Variants in UNC5D observed in about 807,000 individuals in gnomAD.
UNC5D encodes netrin receptor UNC5D.
In UNC5D, 39 loss-of-function variants were observed where a neutral mutation model predicts 105.4. That is an observed-to-expected ratio of 0.37 (90% confidence interval 0.29 to 0.48). The LOEUF is 0.48. Among genes scored for constraint, UNC5D ranks in the 20% least tolerant of loss-of-function variants. UNC5D has a pLI of 0.98. For missense variants in UNC5D, 991 were observed against 1,202.4 expected (o/e 0.82, Z 2.60); for synonymous variants, 452 against 450.4 (o/e 1.00, Z -0.04).
chr8:35,386,243 C>G (rs1803390864), intron 1 of UNC5D, among the ~76,000 whole-genome samples: 1 of 152,154 alleles, frequency 6.6e-6, no homozygotes, highest in East Asian at 1.9e-4. Flanking sequence ...CCTATCAGAG[C>G]ATCATTCGCT....
At chr8:35,668,357 T>A (rs1318821856) in intron 4 of UNC5D, among the ~76,000 whole-genome samples, 1 of 152,148 alleles carries the variant, frequency 6.6e-6, no homozygotes, top group Non-Finnish European at 1.5e-5. Flanking sequence ...GAATGCAGAA[T>A]ATATTTAATA....
At chr8:35,376,396 A>T (rs930749894) in intron 1 of UNC5D, among the ~76,000 whole-genome samples, 1 of 152,146 alleles carries the variant, frequency 6.6e-6, no homozygotes. Context: ...CCTGTTTCTG[A>T]AAAGTCCCAT....
chr8:35,572,804 CTTTTT>C (rs34528421), intron 3 of UNC5D, among the ~76,000 whole-genome samples: 1 of 135,886 alleles, frequency 7.4e-6, no homozygotes. Flanking sequence ...TTTTATATTT[CTTTTT>C]TTTTTTTTTT....
chr8:35,469,326 G>A (rs918405045), intron 1 of UNC5D, among the ~76,000 whole-genome samples: 9 of 152,130 alleles, frequency 5.9e-5, no homozygotes, highest in African/African-American at 1.7e-4. Flanking sequence ...GCATTGCCTT[G>A]CCAAGTTAAA....
At chr8:35,278,704 C>T (rs1313982415) in intron 1 of UNC5D, among the ~76,000 whole-genome samples, 3 of 152,066 alleles carry the variant, frequency 2.0e-5, no homozygotes, top group Non-Finnish European at 2.9e-5. Flanking sequence ...CATCTCCTCA[C>T]ATAGTAACCT....
At chr8:35,620,652 A>G (rs1024733070) in intron 4 of UNC5D, among the ~76,000 whole-genome samples, 4 of 152,126 alleles carry the variant, frequency 2.6e-5, no homozygotes, top group African/African-American at 4.8e-5. Context: ...GGACCATTTT[A>G]AGTGCTGAGA....
chr8:35,580,055 G>A (rs80123108), intron 3 of UNC5D, among the ~76,000 whole-genome samples: 1 of 152,318 alleles, frequency 6.6e-6, no homozygotes, highest in East Asian at 1.9e-4. Context: ...AAGTAAGAGA[G>A]GAGTTTGGGG....
intron 1 of UNC5D, among the ~76,000 whole-genome samples, chr8:35,399,141 T>C (rs1804288526): frequency 8.9e-6 from 1 of 112,352 alleles, no homozygotes; most frequent in African/African-American, 3.7e-5. Flanking sequence ...TGAGACTCCA[T>C]CTCCAAAAAA....
At chr8:35,607,360 T>C (rs564540279) in intron 4 of UNC5D, among the ~76,000 whole-genome samples, 2 of 152,304 alleles carry the variant, frequency 1.3e-5, no homozygotes, top group East Asian at 3.9e-4. Flanking sequence ...AGAAGTTTAT[T>C]TTCCAACAGT....
chr8:35,271,683 G>A (rs1325295741), intron 1 of UNC5D, among the ~76,000 whole-genome samples: 1 of 8,528 alleles, frequency 1.2e-4, no homozygotes, highest in African/African-American at 1.8e-4. Flanking sequence ...ACATATATAT[G>A]TATACATGTA....
chr8:35,460,163 A>G (rs932806719), intron 1 of UNC5D, among the ~76,000 whole-genome samples: 14 of 152,198 alleles, frequency 9.2e-5, no homozygotes, highest in African/African-American at 3.1e-4. Flanking sequence ...ACTCCCAGAA[A>G]AATTAAAGGC....
intron 1 of UNC5D, among the ~76,000 whole-genome samples, chr8:35,243,341 C>T (rs1024523748): frequency 6.6e-6 from 1 of 152,136 alleles, no homozygotes; most frequent in South Asian, 2.1e-4. Context: ...CGTCCTGATG[C>T]AATATAAAGC....
intron 1 of UNC5D, among the ~76,000 whole-genome samples, chr8:35,404,771 G>A (rs1226775994): frequency 1.3e-5 from 2 of 152,034 alleles, no homozygotes; most frequent in African/African-American, 4.8e-5. Flanking sequence ...TGTATTTTTA[G>A]TAGAGATGGG....
At chr8:35,494,789 C>G (rs914643332) in intron 1 of UNC5D, among the ~76,000 whole-genome samples, 1 of 152,092 alleles carries the variant, frequency 6.6e-6, no homozygotes, top group African/African-American at 2.4e-5. Flanking sequence ...GATTTTAGTT[C>G]TTTATCTTTC....
At chr8:35,405,524 A>G (rs548114510) in intron 1 of UNC5D, among the ~76,000 whole-genome samples, 2 of 152,350 alleles carry the variant, frequency 1.3e-5, no homozygotes, top group African/African-American at 4.8e-5. Flanking sequence ...ATAATTGGAA[A>G]TGATTAATTT....
intron 4 of UNC5D, among the ~76,000 whole-genome samples, chr8:35,621,080 A>C (rs1186490537): frequency 6.6e-6 from 1 of 152,274 alleles, no homozygotes; most frequent in East Asian, 1.9e-4. Context: ...GGCCACATCC[A>C]GTTGTGACAA....
At chr8:35,386,959 G>A (rs1803440036) in intron 1 of UNC5D, among the ~76,000 whole-genome samples, 1 of 152,032 alleles carries the variant, frequency 6.6e-6, no homozygotes, top group East Asian at 1.9e-4. Flanking sequence ...ACTTATGTTC[G>A]TGAATAATGG....
chr8:35,734,335 CAAAAAAA>C lies in UNC5D; in HGVS notation c.1766+3260_1766+3266del, dbSNP rs10657691. Among the ~76,000 whole-genome samples, 8 of 28,288 alleles carry C rather than the reference CAAAAAAA, an allele frequency of 2.8e-4. 1 individual carries two copies. The East Asian group carries it at 5.9e-3, about 21-fold the overall frequency. 18.6% of individuals were successfully genotyped at this position (28,288 alleles called of 152,430 possible). A position where few individuals can be genotyped will look rare whatever the true frequency, so the allele number is the denominator to read the frequency against. On this transcript the variant is annotated intron_variant, in intron 11 of 16. Transcript: ENST00000404895. ...GGAGGAAACCAGCAGTAATCACTGT[CAAAAAAA>C]AAAAAAAAAAAAAAAAAAAAGCCTG...
At chr8:35,572,388 A>T (rs1435316370) in intron 3 of UNC5D, among the ~76,000 whole-genome samples, 1 of 151,964 alleles carries the variant, frequency 6.6e-6, no homozygotes, top group East Asian at 1.9e-4. Flanking sequence ...GGATCCATTG[A>T]CACGTAGGGT....
Sources: allele counts gnomAD v4.1 joint callset (sites outside exome capture counted in the v4.1 genomes callset), GRCh38; gene constraint gnomAD v4.1.1; transcripts MANE v1.5; gene names NCBI Gene and HGNC (gene_info 2026-07-23, HGNC 2026-07-21).